RYR3: variants seen among roughly 807,000 people sequenced by gnomAD.
The protein encoded by RYR3 is ryanodine receptor 3, also known as brain ryanodine receptor-calcium release channel.
A neutral mutation model predicts 584.3 loss-of-function variants in RYR3; 207 were observed. The observed-to-expected ratio is 0.35, with a 90% CI of 0.32 to 0.40. The LOEUF (loss-of-function observed/expected upper bound fraction) is 0.40, where lower values mean the gene tolerates loss of function less well. Ranked by LOEUF, RYR3 falls within the 10% of genes least tolerant of loss-of-function variation. The pLI is 1.00. For synonymous variants in RYR3, 2,416 were observed against 2,248.5 expected (o/e 1.07, Z -2.11); for missense variants, 5,616 against 6,089.2 (o/e 0.92, Z 2.59).
intron 68 of RYR3, among the ~76,000 whole-genome samples, 195 bp from the exon 69 acceptor site, chr15:33,801,674 C>T (rs1288963170): frequency 6.6e-6 from 1 of 152,088 alleles, no homozygotes; most frequent in East Asian, 1.9e-4. Flanking sequence ...TGCCTAAACT[C>T]TAAAAGGGAG....
At chr15:33,615,944 A>G (rs2060427272) in intron 19 of RYR3, among the ~76,000 whole-genome samples, 1 of 152,148 alleles carries the variant, frequency 6.6e-6, no homozygotes, top group Non-Finnish European at 1.5e-5. Flanking sequence ...TATAAATACA[A>G]CACAACAGTG....
At chr15:33,824,612 T>C (rs541744677) in intron 81 of RYR3, among the ~76,000 whole-genome samples, 14 of 152,190 alleles carry the variant, frequency 9.2e-5, no homozygotes, top group Non-Finnish European at 1.8e-4. Flanking sequence ...TTTCACTGTC[T>C]ACCTAAATCA....
chr15:33,816,302 T>C (rs953635832), intron 74 of RYR3, among the ~76,000 whole-genome samples: 3 of 152,234 alleles, frequency 2.0e-5, no homozygotes, highest in South Asian at 2.1e-4. Flanking sequence ...CTAGAATCCA[T>C]GCGGCACACA....
intron 1 of RYR3, among the ~76,000 whole-genome samples, chr15:33,421,971 GTAT>G (rs2044273720): frequency 1.3e-5 from 2 of 152,160 alleles, no homozygotes; most frequent in Non-Finnish European, 2.9e-5. Context: ...GAGGTTGGTA[GTAT>G]TGGGTGATTA....
chr15:33,688,685 G>A (rs1347999947), intron 38 of RYR3, among the ~76,000 whole-genome samples: 2 of 151,522 alleles, frequency 1.3e-5, no homozygotes, highest in African/African-American at 2.4e-5. Flanking sequence ...ATATCATCTC[G>A]TGCCAGTTAG....
chr15:33,639,069 T>C (rs996418270), intron 27 of RYR3, among the ~76,000 whole-genome samples: 1 of 152,096 alleles, frequency 6.6e-6, no homozygotes, highest in Non-Finnish European at 1.5e-5. Context: ...CTTTACCCTC[T>C]AGGAAATGAG....
chr15:33,432,225 G>A (rs1351890768), intron 1 of RYR3, among the ~76,000 whole-genome samples: 1 of 152,106 alleles, frequency 6.6e-6, no homozygotes, highest in Non-Finnish European at 1.5e-5. Context: ...AAAATCATAG[G>A]TGCTGATGTA....
chr15:33,509,490 T>G (rs2052779812), intron 3 of RYR3, among the ~76,000 whole-genome samples: 1 of 152,228 alleles, frequency 6.6e-6, no homozygotes, highest in East Asian at 1.9e-4. Context: ...ACATGACTGA[T>G]GGAGGAACTG....
At chr15:33,718,509 G>T (rs2152803438) in intron 43 of RYR3, among the ~76,000 whole-genome samples, 1 of 152,306 alleles carries the variant, frequency 6.6e-6, no homozygotes, top group South Asian at 2.1e-4. Flanking sequence ...CAGGGTGTTT[G>T]AGAGGAACAG....
intron 16 of RYR3, 112 bp from the exon 17 acceptor site, chr15:33,601,307 C>A: frequency 1.8e-6 from 2 of 1,089,460 alleles, no homozygotes; most frequent in Non-Finnish European, 2.7e-6. Flanking sequence ...TGGCTCTCTA[C>A]CCGTCACCTA....
intron 1 of RYR3, among the ~76,000 whole-genome samples, chr15:33,428,211 C>A (rs2044809549): frequency 6.6e-6 from 1 of 152,212 alleles, no homozygotes; most frequent in African/African-American, 2.4e-5. Flanking sequence ...CCTTCTTCTT[C>A]TACCTGTCCC....
intron 93 of RYR3, among the ~76,000 whole-genome samples, chr15:33,846,775 A>G (rs1174600741): frequency 1.3e-5 from 2 of 152,204 alleles, no homozygotes; most frequent in Non-Finnish European, 2.9e-5. Flanking sequence ...CCAGTCCTCT[A>G]TCTTCTCATA....
intron 64 of RYR3, among the ~76,000 whole-genome samples, chr15:33,778,810 G>C (rs144726933): frequency 6.6e-6 from 1 of 152,318 alleles, no homozygotes; most frequent in East Asian, 1.9e-4. Flanking sequence ...ACAAGACTGA[G>C]CCATCAGCTA....
intron 9 of RYR3, among the ~76,000 whole-genome samples, chr15:33,549,595 T>C (rs2056519368): frequency 6.6e-6 from 1 of 152,240 alleles, no homozygotes; most frequent in South Asian, 2.1e-4. Flanking sequence ...ATATGAGTTC[T>C]CACTTGTCTT....
At position 33,311,003 on chromosome 15, in the gene RYR3, CA is replaced by C. The variant is rs1243076057; in HGVS notation, c.-42del. ...CACGCCGAGCGGCTGCCGGGGGAAG[CA>C]GAGGCGCCGGAGGCTGGGGCACCGC... On this transcript the variant is annotated 5_prime_UTR_variant, in exon 1 of 104. Coordinates refer to ENST00000634891, the MANE Select transcript of RYR3 (RefSeq NM_001036.6). The surrounding 1 kb of genome is among the most constrained non-coding windows in gnomAD (Gnocchi z 4.4). 1 of 1,528,988 alleles carries C rather than the reference CA, an allele frequency of 6.5e-7. No homozygotes were observed. The highest frequency in any genetic ancestry group is 1.9e-5 in the Admixed American group (1 of 53,982). The allele number at this position is 1,528,988 out of a possible 1,614,324, so 94.7% of individuals were successfully genotyped here. A position where few individuals can be genotyped will look rare whatever the true frequency, so the allele number is the denominator to read the frequency against.
intron 13 of RYR3, among the ~76,000 whole-genome samples, chr15:33,580,893 A>G (rs182922818): frequency 1.7e-4 from 26 of 152,340 alleles, no homozygotes; most frequent in African/African-American, 6.3e-4. Context: ...CTTAAAGGCT[A>G]CTGAAATTCC....
rs553157434 is a variant in RYR3 at position 33,571,926 on chromosome 15, C to A, written c.1268+5127C>A. Among the ~76,000 whole-genome samples the A allele has an allele frequency of 1.2e-4, 18 of 152,168 alleles. No homozygotes were observed. The East Asian group carries it at 3.5e-3, about 29-fold the overall frequency. ...GTTAAATAGATATTCTCTAGTGTAA[C>A]ATTTTAATTAATTTGGGTTTTTAAA... On this transcript the variant is annotated intron_variant, in intron 12 of 103. Coordinates refer to ENST00000634891, the MANE Select transcript of RYR3 (RefSeq NM_001036.6).
chr15:33,798,384 C>T (rs2075744103), intron 67 of RYR3, among the ~76,000 whole-genome samples: 1 of 152,206 alleles, frequency 6.6e-6, no homozygotes, highest in South Asian at 2.1e-4. Flanking sequence ...AGCCACCATG[C>T]CCAGCCTCAT....
intron 18 of RYR3, 27 bp downstream of exon 18, chr15:33,603,391 C>G (rs749468964): frequency 6.6e-6 from 10 of 1,514,024 alleles, no homozygotes; most frequent in East Asian, 4.6e-5. Flanking sequence ...AGCTTTGGCT[C>G]ATAATCTCAC....
Sources: allele counts gnomAD v4.1 joint callset (sites outside exome capture counted in the v4.1 genomes callset), GRCh38; gene constraint gnomAD v4.1.1; non-coding constraint Gnocchi (gnomAD v3.1); transcripts MANE v1.5; gene names NCBI Gene and HGNC (gene_info 2026-07-23, HGNC 2026-07-21).